Variants in THRB observed in about 807,000 individuals in gnomAD.
THRB encodes nuclear receptor subfamily 1 group A member 2.
Under a neutral mutation model 47.8 loss-of-function variants are expected in THRB, and 12 were observed. The observed-to-expected ratio is 0.25, with a 90% confidence interval of 0.16 to 0.41. The LOEUF (loss-of-function observed/expected upper bound fraction) is 0.41. Among genes scored for constraint, THRB ranks in the 10% least tolerant of loss-of-function variants. The pLI, the probability that THRB is intolerant of heterozygous loss-of-function variation, is 1.00. For synonymous variants in THRB, 218 were observed against 212.2 expected (o/e 1.03, Z -0.24); for missense variants, 348 against 589.2 (o/e 0.59, Z 4.24).
At position 24,165,031 on chromosome 3, in the gene THRB, T is replaced by C. The variant is rs543291853; in HGVS notation, c.284-12541A>G. ...TTTAAGCAAAATGGTCCCTACCTTT[T>C]TTTTGAGAATACGATGGCGACTGCA... is the stretch of plus-strand genomic sequence containing the variant. On this transcript the variant is annotated intron_variant, in intron 5 of 10. Transcript: ENST00000646209. 2.2e-5 allele frequency: 16 copies of C among 743,614 alleles called. No individual in the cohort carries two copies. In the East Asian group the frequency reaches 3.9e-4, roughly 18 times the overall value. 46.1% of individuals were successfully genotyped at this position (743,614 alleles called of 1,614,324 possible). A position where few individuals can be genotyped will look rare whatever the true frequency, so the allele number is the denominator to read the frequency against.
intron 2 of THRB, among the ~76,000 whole-genome samples, chr3:24,316,809 A>G (rs1204706178): frequency 6.6e-6 from 1 of 151,904 alleles, no homozygotes; most frequent in African/African-American, 2.4e-5. Context: ...ACACCTTAAA[A>G]CATCCTCCAC....
intron 3 of THRB, among the ~76,000 whole-genome samples, chr3:24,258,477 T>C (rs2051563197): frequency 6.6e-6 from 1 of 152,160 alleles, no homozygotes; most frequent in Admixed American, 6.5e-5. Flanking sequence ...TCATGTGGCA[T>C]TGAACCTTCC....
At chr3:24,316,388 T>C (rs555345857) in intron 2 of THRB, among the ~76,000 whole-genome samples, 3 of 152,198 alleles carry the variant, frequency 2.0e-5, no homozygotes, top group Admixed American at 6.5e-5. Flanking sequence ...TTTTTCTCTT[T>C]TCCCTTCTCC....
At chr3:24,349,276 G>C (rs1036551495) in intron 1 of THRB, among the ~76,000 whole-genome samples, 1 of 151,934 alleles carries the variant, frequency 6.6e-6, no homozygotes, top group African/African-American at 2.4e-5. Flanking sequence ...CCCTAAATTA[G>C]TATATAGATT....
intron 4 of THRB, among the ~76,000 whole-genome samples, chr3:24,217,744 G>A (rs1164682723): frequency 1.3e-5 from 2 of 152,110 alleles, no homozygotes; most frequent in African/African-American, 4.8e-5. Context: ...CCTGCAGGAC[G>A]CTAGGCATTC....
At chr3:24,431,449 T>C (rs1401862972) in intron 1 of THRB, among the ~76,000 whole-genome samples, 4 of 152,078 alleles carry the variant, frequency 2.6e-5, no homozygotes, top group Non-Finnish European at 5.9e-5. Context: ...CACAGTAAGG[T>C]ACATTTTAGA....
intron 1 of THRB, among the ~76,000 whole-genome samples, chr3:24,475,836 G>C (rs757620645): frequency 1.3e-5 from 2 of 152,102 alleles, no homozygotes; most frequent in African/African-American, 4.8e-5. Flanking sequence ...GATTACAAAA[G>C]CTAATAAAGA....
chr3:24,388,875 G>T (rs1341861218), intron 1 of THRB, among the ~76,000 whole-genome samples: 9 of 152,058 alleles, frequency 5.9e-5, no homozygotes, highest in Admixed American at 5.9e-4. Context: ...ACTCTCTGTG[G>T]GCTGGTTCTG....
At chr3:24,336,120 T>G (rs770780936) in intron 2 of THRB, among the ~76,000 whole-genome samples, 16 of 152,234 alleles carry the variant, frequency 1.1e-4, no homozygotes, top group Admixed American at 2.0e-4. Flanking sequence ...CTCTTTTTCT[T>G]GAACATTCTA....
intron 4 of THRB, among the ~76,000 whole-genome samples, chr3:24,214,775 T>A (rs899225748): frequency 2.0e-5 from 3 of 152,140 alleles, no homozygotes; most frequent in Non-Finnish European, 4.4e-5. Flanking sequence ...ACCCTCCTCA[T>A]CTCATTTGTA....
rs997673373 is a variant in THRB, at chr3:24,117,465, T to C, written c.*5419A>G. Reference sequence around the variant, plus strand: ...GATAAGGTTGGTTATGCATCTGTTTTCCTCACCACAGTGATTGGCTCAGGA... The same window carrying C: ...GATAAGGTTGGTTATGCATCTGTTTCCCTCACCACAGTGATTGGCTCAGGA... On this transcript the variant is annotated 3_prime_UTR_variant, in exon 11 of 11. Transcript: ENST00000646209. 1 of 152,256 alleles carries C rather than the reference T, an allele frequency of 6.6e-6. No individual in the cohort carries two copies. Among genetic ancestry groups the C allele is most frequent in the East Asian group, 1.9e-4 (1 of 5,202 alleles). The allele number at this position is 152,256 out of a possible 1,614,324, so 9.4% of individuals were successfully genotyped here.
chr3:24,364,286 G>A lies in THRB; in HGVS notation c.-260-26915C>T, dbSNP rs188942020. Among the ~76,000 whole-genome samples, 394 of 152,222 alleles carry A rather than the reference G, an allele frequency of 2.6e-3. 1 individual carries two copies. Among genetic ancestry groups the A allele is most frequent in the Non-Finnish European group, 4.8e-3 (328 of 68,004 alleles). The stretch of plus-strand genomic sequence containing the variant: ...TCAAGAGTTCTTATCAGTATCCTCA[G>A]TCATTTGATATATTAATGGAATGAT... On this transcript the variant is annotated intron_variant, in intron 1 of 10. Coordinates refer to ENST00000646209, the MANE Select transcript of THRB (RefSeq NM_001354712.2).
At chr3:24,447,874 A>T (rs2072255199) in intron 1 of THRB, among the ~76,000 whole-genome samples, 2 of 151,962 alleles carry the variant, frequency 1.3e-5, no homozygotes, top group African/African-American at 4.8e-5. Context: ...TATAAAGAGA[A>T]AAGTAGTTGC....
At chr3:24,370,576 G>T (rs1257029964) in intron 1 of THRB, among the ~76,000 whole-genome samples, 1 of 152,032 alleles carries the variant, frequency 6.6e-6, no homozygotes, top group Non-Finnish European at 1.5e-5. Context: ...CTTCCTGGGA[G>T]GATCAATGCT....
At chr3:24,434,685 A>C (rs1249160769) in intron 1 of THRB, among the ~76,000 whole-genome samples, 12 of 152,188 alleles carry the variant, frequency 7.9e-5, no homozygotes, top group African/African-American at 2.9e-4. Context: ...AACCCTCAAA[A>C]CTTCCTTCAC....
At chr3:24,276,224 T>C (rs2053900808) in intron 3 of THRB, among the ~76,000 whole-genome samples, 1 of 152,210 alleles carries the variant, frequency 6.6e-6, no homozygotes, top group South Asian at 2.1e-4. Flanking sequence ...TAGTGTATAA[T>C]AATTGGTATT....
intron 3 of THRB, among the ~76,000 whole-genome samples, chr3:24,263,224 C>T (rs751696434): frequency 1.3e-5 from 2 of 152,080 alleles, no homozygotes; most frequent in African/African-American, 4.8e-5. Context: ...CTTCTCTCTC[C>T]TTTCCTGTTC....
chr3:24,334,072 C>T (rs979474933), intron 2 of THRB, among the ~76,000 whole-genome samples: 2 of 152,198 alleles, frequency 1.3e-5, no homozygotes, highest in African/African-American at 4.8e-5. Context: ...AATTACCTTC[C>T]ACTTTACTAC....
chr3:24,262,141 C>G (rs567262462), intron 3 of THRB, among the ~76,000 whole-genome samples: 46 of 152,268 alleles, frequency 3.0e-4, no homozygotes, highest in African/African-American at 1.1e-3. Flanking sequence ...TTCCCCAGGC[C>G]TCCCTTAAAA....
Sources: allele counts gnomAD v4.1 joint callset (sites outside exome capture counted in the v4.1 genomes callset), GRCh38; gene constraint gnomAD v4.1.1; transcripts MANE v1.5; gene names NCBI Gene and HGNC (gene_info 2026-07-23, HGNC 2026-07-21).